The following RBFOX1 variants were observed in gnomAD, a reference collection of about 807,000 sequenced individuals.
RBFOX1 encodes RNA binding protein fox-1 homolog 1.
A neutral mutation model predicts 57.7 loss-of-function variants in RBFOX1; 8 were observed. The ratio of observed to expected loss-of-function variants is 0.14; its 90% CI spans 0.08 to 0.25. RBFOX1 has a LOEUF of 0.25. Ranked by LOEUF, RBFOX1 falls within the 10% of genes least tolerant of loss-of-function variation. The pLI, the probability that RBFOX1 is intolerant of heterozygous loss-of-function variation, is 1.00. For synonymous variants in RBFOX1, 326 were observed against 222.4 expected, an observed-to-expected ratio of 1.47 and a Z score of -4.15; for missense variants, 611 against 548.5, an observed-to-expected ratio of 1.11 and a Z score of -1.14.
chr16:6,378,598 G>T (rs566245648), intron 2 of RBFOX1, among the ~76,000 whole-genome samples: 2 of 152,212 alleles, frequency 1.3e-5, no homozygotes, highest in Non-Finnish European at 2.9e-5. Context: ...GATATGCATT[G>T]TCTCAGGGCC....
intron 3 of RBFOX1, among the ~76,000 whole-genome samples, chr16:6,949,395 A>G (rs1241436855): frequency 6.6e-6 from 1 of 152,154 alleles, no homozygotes; most frequent in Non-Finnish European, 1.5e-5. Context: ...TCCATGGTGT[A>G]TTAGCTGGCT....
intron 3 of RBFOX1, among the ~76,000 whole-genome samples, chr16:5,690,811 G>C (rs1384427752): frequency 6.6e-6 from 1 of 152,264 alleles, no homozygotes; most frequent in East Asian, 1.9e-4. Context: ...CTAGGCTGAA[G>C]TTTCCTGATG....
chr16:6,968,532 A>G (rs2084801254), intron 3 of RBFOX1, among the ~76,000 whole-genome samples: 1 of 152,200 alleles, frequency 6.6e-6, no homozygotes, highest in African/African-American at 2.4e-5. Context: ...GAGCAGTCTT[A>G]AAGATTTAGA....
intron 2 of RBFOX1, among the ~76,000 whole-genome samples, chr16:6,529,018 G>C (rs1010707712): frequency 4.6e-5 from 7 of 152,122 alleles, no homozygotes; most frequent in Non-Finnish European, 8.8e-5. Flanking sequence ...GTGTGCAAGA[G>C]AAACGCATTT....
At position 5,488,718 on chromosome 16, in the gene RBFOX1, T is replaced by G. The variant is rs1287595678; in HGVS notation, c.258+21464T>G. On this transcript the variant is annotated intron_variant, in intron 2 of 2. Transcript: ENST00000585867. The stretch of plus-strand genomic sequence containing the variant: ...TGATGATGGAAGATGATGGTGCTGG[T>G]GGGGTGCGATGGTGATGATAATGGA... Among the ~76,000 whole-genome samples the G allele has an allele frequency of 6.9e-5, 10 of 144,668 alleles. No homozygotes were observed. In the East Asian group the frequency reaches 1.9e-3, roughly 27 times the overall value. The allele number at this position is 144,668 out of a possible 152,430, so 94.9% of individuals were successfully genotyped here.
At chr16:5,867,150 A>ATATG (rs1555550912) in intron 3 of RBFOX1, among the ~76,000 whole-genome samples, 3 of 149,212 alleles carry the variant, frequency 2.0e-5, no homozygotes, top group African/African-American at 7.4e-5. Flanking sequence ...AAGAAAATGC[A>ATATG]TGTGTGTGTG....
intron 3 of RBFOX1, among the ~76,000 whole-genome samples, chr16:6,832,548 T>A (rs2141098621): frequency 6.6e-6 from 1 of 152,294 alleles, no homozygotes; most frequent in Middle Eastern, 3.4e-3. Flanking sequence ...AGTATGAATG[T>A]CTTGGGGTCT....
At chr16:6,327,107 C>A (rs1026577597) in intron 2 of RBFOX1, among the ~76,000 whole-genome samples, 2 of 152,178 alleles carry the variant, frequency 1.3e-5, no homozygotes, top group Admixed American at 6.5e-5. Flanking sequence ...AAGCCACTGT[C>A]GTTCCTTCTC....
intron 4 of RBFOX1, among the ~76,000 whole-genome samples, chr16:7,154,267 C>A (rs914678078): frequency 2.0e-5 from 3 of 152,144 alleles, no homozygotes; most frequent in African/African-American, 4.8e-5. Flanking sequence ...GGCAGAGATA[C>A]TTAGTTACAA....
chr16:6,142,816 C>A (rs1167790354), intron 1 of RBFOX1, among the ~76,000 whole-genome samples: 1 of 152,192 alleles, frequency 6.6e-6, no homozygotes, highest in Non-Finnish European at 1.5e-5. Flanking sequence ...TCCTGTCCAT[C>A]TCCTTTTTGT....
Position 6,256,135 on chromosome 16 carries a change from ATATG to A in RBFOX1, c.-126-60858_-126-60855del, listed in dbSNP as rs1317689387. On this transcript the variant is annotated intron_variant, in intron 1 of 15. Coordinates refer to ENST00000550418, the MANE Select transcript of RBFOX1 (RefSeq NM_018723.4). Reference sequence around the variant, plus strand: ...TCTCTTATCTGTAACAAATATATATATATGTGTGTATATATATATATATGTATAT... The same window carrying A: ...TCTCTTATCTGTAACAAATATATATATGTGTATATATATATATATGTATAT... Among the ~76,000 whole-genome samples, 25 of 29,158 alleles carry A rather than the reference ATATG, an allele frequency of 8.6e-4. 2 individuals are homozygous for A. The highest frequency in any genetic ancestry group is 1.5e-3 in the African/African-American group (25 of 16,136). 19.1% of individuals were successfully genotyped at this position (29,158 alleles called of 152,430 possible). A position where few individuals can be genotyped will look rare whatever the true frequency, so the allele number is the denominator to read the frequency against.
At chr16:7,415,894 C>T (rs949519495) in intron 4 of RBFOX1, among the ~76,000 whole-genome samples, 1 of 152,146 alleles carries the variant, frequency 6.6e-6, no homozygotes, top group Non-Finnish European at 1.5e-5. Flanking sequence ...GCTGTGATAA[C>T]TTTGGGCCCA....
At chr16:7,606,490 C>T (rs1299862645) in intron 9 of RBFOX1, among the ~76,000 whole-genome samples, 1 of 152,152 alleles carries the variant, frequency 6.6e-6, no homozygotes, top group African/African-American at 2.4e-5. Context: ...AAAACGTGAT[C>T]AGTCTCTGGA....
At chr16:7,254,478 G>C (rs1214508249) in intron 4 of RBFOX1, among the ~76,000 whole-genome samples, 2 of 148,128 alleles carry the variant, frequency 1.4e-5, no homozygotes, top group African/African-American at 5.0e-5. Flanking sequence ...CAAATGTCAT[G>C]TTCCTGTCTC....
intron 4 of RBFOX1, among the ~76,000 whole-genome samples, chr16:7,376,083 G>C (rs1302138892): frequency 6.6e-6 from 1 of 152,174 alleles, no homozygotes; most frequent in African/African-American, 2.4e-5. Flanking sequence ...AAAAAAGGGA[G>C]TGTACATTTC....
intron 4 of RBFOX1, among the ~76,000 whole-genome samples, chr16:7,375,701 T>G (rs994620805): frequency 6.6e-6 from 1 of 152,148 alleles, no homozygotes; most frequent in Non-Finnish European, 1.5e-5. Context: ...AAGTTTGTCC[T>G]GAGAGCACCT....
chr16:7,039,407 T>C (rs1305301070), intron 3 of RBFOX1, among the ~76,000 whole-genome samples: 1 of 152,174 alleles, frequency 6.6e-6, no homozygotes, highest in Non-Finnish European at 1.5e-5. Flanking sequence ...GAGAGCTGGG[T>C]GTGTTCTCCA....
chr16:5,439,983 G>C (rs2068035664), intron 1 of RBFOX1, among the ~76,000 whole-genome samples: 1 of 152,178 alleles, frequency 6.6e-6, no homozygotes, highest in Non-Finnish European at 1.5e-5. Flanking sequence ...ATAAATGCCA[G>C]AGCTAAAGAT....
downstream of RBFOX1, among the ~76,000 whole-genome samples, chr16:5,602,152 G>C (rs1418569903): frequency 6.6e-6 from 1 of 152,236 alleles, no homozygotes; most frequent in Admixed American, 6.5e-5. Flanking sequence ...GCCTTGGAAT[G>C]TGTCATGGGT....
Sources: allele counts gnomAD v4.1 joint callset (sites outside exome capture counted in the v4.1 genomes callset), GRCh38; gene constraint gnomAD v4.1.1; transcripts MANE v1.5; gene names NCBI Gene and HGNC (gene_info 2026-07-23, HGNC 2026-07-21).